The following PLXNC1 variants were observed in gnomAD, a reference collection of about 807,000 sequenced individuals.
The protein encoded by PLXNC1 is plexin C1.
PLXNC1 carries 75 observed loss-of-function variants against 178.2 expected under a neutral mutation model. The observed-to-expected ratio is 0.42, with a 90% confidence interval of 0.35 to 0.51. The LOEUF is 0.51. Ranked by LOEUF, PLXNC1 falls within the 20% of genes least tolerant of loss-of-function variation. PLXNC1 has a pLI of 0.02. For missense variants in PLXNC1, 1,503 were observed against 1,984.4 expected, an observed-to-expected ratio of 0.76 and a Z score of 4.61; for synonymous variants, 790 against 779.9, an observed-to-expected ratio of 1.01 and a Z score of -0.22.
intron 15 of PLXNC1, among the ~76,000 whole-genome samples, chr12:94,252,938 C>A (rs188683886): frequency 1.3e-5 from 2 of 152,320 alleles, no homozygotes; most frequent in East Asian, 3.9e-4. Context: ...TTTGGCTGGG[C>A]CCGGTGGCTC....
At chr12:94,262,640 G>T (rs933922772) in intron 20 of PLXNC1, 1 of 985,404 alleles carries the variant, frequency 1.0e-6, no homozygotes, top group Non-Finnish European at 1.2e-6. Flanking sequence ...AATAATTCCC[G>T]CTGGTGCAGG....
At chr12:94,292,607 T>G (rs1967451248) in intron 23 of PLXNC1, among the ~76,000 whole-genome samples, 3 of 152,236 alleles carry the variant, frequency 2.0e-5, no homozygotes, top group Admixed American at 1.3e-4. Flanking sequence ...CTAGAATATT[T>G]GCATACACAT....
intron 11 of PLXNC1, among the ~76,000 whole-genome samples, chr12:94,242,044 G>T (rs1964403802): frequency 6.6e-6 from 1 of 151,750 alleles, no homozygotes; most frequent in Non-Finnish European, 1.5e-5. Context: ...AAGTAGAGAA[G>T]AAAAAAATCA....
In PLXNC1 at chr12:94,254,788, G is replaced by T; in HGVS notation, c.2883G>T (p.Ala961=). The part of the protein sequence containing the change: ...LPVLLVIVIF[A]AVGVTRHKSK... ...TGATGCAGCATCTCTGTCTCTTAGC[G>T]GCCGTGGGGGTGACCAGGCACAAAT... The change falls in exon 16 of 31, where the codon GCG becomes GCT. Residue 961 remains alanine, a splice_region_variant and synonymous_variant. Coordinates refer to ENST00000258526, the MANE Select transcript of PLXNC1 (RefSeq NM_005761.3). The T allele has an allele frequency of 1.3e-6, 2 of 1,586,976 alleles. No homozygotes were observed. The highest frequency in any genetic ancestry group is 1.7e-6 in the Non-Finnish European group (2 of 1,171,678).
At chr12:94,297,534 C>G in intron 26 of PLXNC1, 111 bp downstream of exon 26, 1 of 729,428 alleles carries the variant, frequency 1.4e-6, no homozygotes, top group Admixed American at 2.5e-5. Context: ...TGCCTTCTAG[C>G]AAAGCAAAAT....
At chr12:94,175,133 G>A (rs528252255) in intron 2 of PLXNC1, among the ~76,000 whole-genome samples, 12 of 152,268 alleles carry the variant, frequency 7.9e-5, no homozygotes, top group Admixed American at 7.2e-4. Context: ...AGGCATGCAC[G>A]TGTGTGTATA....
intron 23 of PLXNC1, among the ~76,000 whole-genome samples, chr12:94,287,989 G>T (rs777622675): frequency 2.0e-5 from 3 of 152,218 alleles, no homozygotes; most frequent in Non-Finnish European, 2.9e-5. Flanking sequence ...CTTCACTGAT[G>T]CCTCAAGGCT....
At chr12:94,302,494 A>G (rs1968564029) in intron 28 of PLXNC1, among the ~76,000 whole-genome samples, 1 of 152,218 alleles carries the variant, frequency 6.6e-6, no homozygotes. Flanking sequence ...CACTTTCTTC[A>G]TTTGACTAAT....
At chr12:94,281,072 A>T (rs1966403730) in intron 22 of PLXNC1, among the ~76,000 whole-genome samples, 1 of 152,232 alleles carries the variant, frequency 6.6e-6, no homozygotes, top group Admixed American at 6.5e-5. Flanking sequence ...TGAAGTCAGG[A>T]GTTTGAGACC....
intron 23 of PLXNC1, among the ~76,000 whole-genome samples, chr12:94,292,728 T>C (rs1967468330): frequency 6.6e-6 from 1 of 152,214 alleles, no homozygotes; most frequent in Non-Finnish European, 1.5e-5. Context: ...TGTGCACAAA[T>C]CAAAGTTTTT....
At chr12:94,162,208 T>C (rs1359612043) in intron 1 of PLXNC1, among the ~76,000 whole-genome samples, 1 of 152,146 alleles carries the variant, frequency 6.6e-6, no homozygotes, top group East Asian at 1.9e-4. Flanking sequence ...GTAGGTGACA[T>C]TCAACTTGAA....
intron 13 of PLXNC1, 42 bp from the exon 14 acceptor site, chr12:94,248,185 A>G: frequency 2.5e-6 from 4 of 1,594,776 alleles, no homozygotes; most frequent in Non-Finnish European, 3.4e-6. Context: ...GTGAGTTTCT[A>G]CATGTGCTCT....
intron 20 of PLXNC1, among the ~76,000 whole-genome samples, chr12:94,263,182 G>C (rs1197562396): frequency 6.6e-6 from 1 of 152,156 alleles, no homozygotes; most frequent in Non-Finnish European, 1.5e-5. Context: ...CCACACATCA[G>C]AATCCTCCTC....
intron 5 of PLXNC1, among the ~76,000 whole-genome samples, chr12:94,214,521 T>C (rs1963587429): frequency 6.6e-6 from 1 of 152,232 alleles, no homozygotes; most frequent in Non-Finnish European, 1.5e-5. Context: ...TTGAATTAAA[T>C]ATAAAAAACA....
chr12:94,153,429 C>T (rs75513482), intron 1 of PLXNC1, among the ~76,000 whole-genome samples: 7,700 of 152,244 alleles, frequency 0.051, 236 homozygotes, highest in Middle Eastern at 0.068. Context: ...TTTTTTATAA[C>T]ACACCTGTGC....
rs889242495 is a variant in PLXNC1 at position 94,306,947 on chromosome 12, T to G, written c.*1662T>G. The G allele has an allele frequency of 3.3e-5, 5 of 152,158 alleles. No homozygotes were observed. The highest frequency in any genetic ancestry group is 1.2e-4 in the African/African-American group (5 of 41,440). The allele number at this position is 152,158 out of a possible 1,614,324, so 9.4% of individuals were successfully genotyped here. ...ATAAAGGTGAGAGGTCTGGTCCCCA[T>G]TGAAGGCTGCTACAGTCTTCAAAGA... On this transcript the variant is annotated 3_prime_UTR_variant, in exon 31 of 31. Coordinates refer to ENST00000258526, the MANE Select transcript of PLXNC1 (RefSeq NM_005761.3).
chr12:94,256,071 T>A (rs1158593004), intron 17 of PLXNC1: 1 of 152,258 alleles, frequency 6.6e-6, no homozygotes, highest in Non-Finnish European at 1.5e-5. Flanking sequence ...ATACCCCAGC[T>A]CTGCCATATT....
intron 1 of PLXNC1, among the ~76,000 whole-genome samples, chr12:94,167,384 C>A (rs139865386): frequency 6.6e-6 from 1 of 152,242 alleles, no homozygotes; most frequent in East Asian, 1.9e-4. Flanking sequence ...AGTCCTCTAG[C>A]CAGAGATAGT....
At position 94,149,052 on chromosome 12, in the gene PLXNC1, A is replaced by G. The variant is rs770765029; in HGVS notation, c.81A>G (p.Ala27=). ...TGCCCCTGCTCGCCTATCTGCTGGC[A>G]CTGGCGGCTCCCGGCCGGGGCGCGG... The part of the protein sequence containing the change: ...APLPLLAYLL[A]LAAPGRGADE... The change falls in exon 1 of 31, where the codon GCA becomes GCG. Residue 27 remains alanine (A), a synonymous_variant. Transcript: ENST00000258526. 6.5e-6 allele frequency: 10 copies of G among 1,536,212 alleles called. No individual in the cohort carries two copies. In the South Asian group the frequency reaches 1.2e-4, roughly 18 times the overall value.
Sources: allele counts gnomAD v4.1 joint callset (sites outside exome capture counted in the v4.1 genomes callset), GRCh38; gene constraint gnomAD v4.1.1; transcripts MANE v1.5; gene names NCBI Gene and HGNC (gene_info 2026-07-23, HGNC 2026-07-21).